The following PRORP variants were observed in gnomAD, a reference collection of about 807,000 sequenced individuals.
PRORP encodes mitochondrial ribonuclease P catalytic subunit.
Under a neutral mutation model 59.4 loss-of-function variants are expected in PRORP, and 51 were observed. The ratio of observed to expected loss-of-function variants is 0.86; its 90% CI spans 0.69 to 1.08. The LOEUF is 1.08. PRORP is among the 50% of genes least tolerant of loss of function. The pLI, the probability that PRORP is intolerant of heterozygous loss-of-function variation, is 0.00. For missense variants in PRORP, 646 were observed against 690.3 expected (o/e 0.94, Z 0.72); for synonymous variants, 231 against 245.6 (o/e 0.94, Z 0.55).
At chr14:35,201,221 G>A (rs1468636858) in intron 5 of PRORP, among the ~76,000 whole-genome samples, 2 of 152,184 alleles carry the variant, frequency 1.3e-5, no homozygotes, top group Non-Finnish European at 2.9e-5. Context: ...ACCTGGCTAA[G>A]GAAGTTTTGT....
chr14:35,233,989 C>T (rs996206718), intron 5 of PRORP, among the ~76,000 whole-genome samples: 1 of 152,194 alleles, frequency 6.6e-6, no homozygotes, highest in Non-Finnish European at 1.5e-5. Flanking sequence ...TGTTAAAGCT[C>T]AGGCTTTCCT....
intron 5 of PRORP, among the ~76,000 whole-genome samples, chr14:35,233,879 A>G (rs1271928268): frequency 6.6e-6 from 1 of 152,154 alleles, no homozygotes; most frequent in Non-Finnish European, 1.5e-5. Flanking sequence ...CAAAGTTACA[A>G]TTCATATATT....
In PRORP at chr14:35,272,991, GA is replaced by G. The variant is rs760706255; in HGVS notation, c.1621-437del. Among the ~76,000 whole-genome samples, 9 of 152,142 alleles carry G rather than the reference GA, an allele frequency of 5.9e-5. 1 individual carries two copies. Among genetic ancestry groups the G allele is most frequent in the Admixed American group, 3.3e-4 (5 of 15,278 alleles). ...ATCTTTTAGGGAATAATGCCAAGAA[GA>G]AAAAAAGTCTGTACATGTTCAGAAC... is the stretch of plus-strand genomic sequence containing the variant. On this transcript the variant is annotated intron_variant, in intron 7 of 7. Coordinates refer to ENST00000534898, the MANE Select transcript of PRORP (RefSeq NM_014672.4).
chr14:35,270,605 A>G lies in PRORP; in HGVS notation c.1620+9A>G. On this transcript the variant is annotated intron_variant, in intron 7 of 7. Transcript: ENST00000534898. ...CAAAACTAACCTTTCAGGTAATGGTACCTGTTCTTTATGTAATATTAACAG... is the reference window on the plus strand; with the variant it reads ...CAAAACTAACCTTTCAGGTAATGGTGCCTGTTCTTTATGTAATATTAACAG... 1 of 1,610,796 alleles carries G rather than the reference A, an allele frequency of 6.2e-7. No individual in the cohort carries two copies. The highest frequency in any genetic ancestry group is 8.5e-7 in the Non-Finnish European group (1 of 1,177,058).
chr14:35,259,993 G>GGT (rs1555333146), intron 5 of PRORP, among the ~76,000 whole-genome samples: 3 of 81,308 alleles, frequency 3.7e-5, no homozygotes, highest in Non-Finnish European at 6.8e-5. Flanking sequence ...GGTTTTTCGG[G>GGT]TTTTTTTTTT....
rs1469032325 is a variant in PRORP, at chr14:35,151,571, C to T, written c.1167+23960C>T. Among the ~76,000 whole-genome samples the T allele has an allele frequency of 2.0e-5, 3 of 151,808 alleles. No homozygotes were observed. In the East Asian group the frequency reaches 5.8e-4, roughly 29 times the overall value. The stretch of plus-strand genomic sequence containing the variant: ...TCATATCCCCATTCTAATCTGCCAG[C>T]ACTCCCTATTTTCCATCTCTGCTTT... On this transcript the variant is annotated intron_variant, in intron 4 of 7. Coordinates refer to ENST00000534898, the MANE Select transcript of PRORP (RefSeq NM_014672.4).
chr14:35,158,098 A>G, intron 4 of PRORP: 1 of 272,976 alleles, frequency 3.7e-6, no homozygotes. Flanking sequence ...TCAGTTTTTG[A>G]ACTTTTTTTT....
At chr14:35,269,125 G>T (rs1285223204) in intron 6 of PRORP, among the ~76,000 whole-genome samples, 1 of 152,124 alleles carries the variant, frequency 6.6e-6, no homozygotes, top group African/African-American at 2.4e-5. Flanking sequence ...CTCCCTGTCT[G>T]GGAAAGGTTT....
Position 35,124,072 on chromosome 14 carries a change from T to G in PRORP, c.827T>G (p.Val276Gly), listed in dbSNP as rs771050896. 6.2e-7 allele frequency: 1 copy of G among 1,613,992 alleles called. No individual in the cohort carries two copies. The highest frequency in any genetic ancestry group is 1.1e-5 in the South Asian group (1 of 91,062). ...CAGGAATTGCTAGGTCATGATATTG[T>G]TCCTATGTTGGAAACTTTAAAAGCT... The part of the protein sequence containing the change: ...LYQELLGHDI[V>G]PMLETLKAFF... Residue 276 changes from valine to glycine, a missense_variant, in exon 2 of 8, where the codon GTT (valine) becomes GGT (glycine). Physicochemically the swap from Val to Gly is moderately radical, Grantham distance 109. Coordinates refer to ENST00000534898, the MANE Select transcript of PRORP (RefSeq NM_014672.4).
chr14:35,214,224 A>G (rs1332271593), intron 5 of PRORP, among the ~76,000 whole-genome samples: 1 of 152,208 alleles, frequency 6.6e-6, no homozygotes, highest in African/African-American at 2.4e-5. Flanking sequence ...AGAATGAGAA[A>G]AGCTGAAATG....
chr14:35,133,168 C>G (rs543151237), intron 4 of PRORP, among the ~76,000 whole-genome samples: 20 of 152,278 alleles, frequency 1.3e-4, no homozygotes, highest in African/African-American at 4.6e-4. Flanking sequence ...GATCTGCCCA[C>G]TTGGCCTCCC....
At chr14:35,216,018 C>T (rs907564657) in intron 5 of PRORP, among the ~76,000 whole-genome samples, 2 of 151,000 alleles carry the variant, frequency 1.3e-5, no homozygotes, top group African/African-American at 2.4e-5. Flanking sequence ...CCACCTGCCT[C>T]GGCCTCCCAA....
chr14:35,127,217 C>G (rs2047119480), intron 3 of PRORP, among the ~76,000 whole-genome samples: 1 of 151,460 alleles, frequency 6.6e-6, no homozygotes, highest in East Asian at 1.9e-4. Flanking sequence ...ATGTTGAAAC[C>G]AAGTCTCCAC....
rs2048453092 is a variant in PRORP at position 35,176,466 on chromosome 14, A to G, written c.1168-4204A>G. Among the ~76,000 whole-genome samples the G allele has an allele frequency of 3.9e-5, 6 of 152,208 alleles. 1 individual carries two copies. In the South Asian group the frequency reaches 1.2e-3, roughly 32 times the overall value. On this transcript the variant is annotated intron_variant, in intron 4 of 7. Transcript: ENST00000534898. ...GGAAGAGGTCCTTCACATCCCTTGT[A>G]AGTTGGATTCCTAGGTATTTTATTC...
intron 5 of PRORP, among the ~76,000 whole-genome samples, chr14:35,218,474 A>AAC (rs2049671035): frequency 6.8e-6 from 1 of 146,090 alleles, no homozygotes; most frequent in Admixed American, 6.8e-5. Context: ...AAAGAAAAAA[A>AAC]AAAAAAAAAA....
chr14:35,122,016 A>C, upstream of PRORP: 1 of 1,594,926 alleles, frequency 6.3e-7, no homozygotes, highest in Non-Finnish European at 8.6e-7. Flanking sequence ...CTCCACCCCT[A>C]CCAGCTCAGG....
rs867031059 is a variant in PRORP at position 35,218,426 on chromosome 14, A to G, written c.1275+37649A>G. 8.5e-4 allele frequency among the ~76,000 whole-genome samples: 117 copies of G among 137,708 alleles called. 1 individual carries two copies. The highest frequency in any genetic ancestry group is 2.8e-3 in the African/African-American group (107 of 37,780). 90.3% of individuals were successfully genotyped at this position (137,708 alleles called of 152,430 possible). ...CAGTAAGCTGTTCTTGTGCCACTGC[A>G]TAGTAGCCTGGGCAACAGAGCAAGA... On this transcript the variant is annotated intron_variant, in intron 5 of 7. Coordinates refer to ENST00000534898, the MANE Select transcript of PRORP (RefSeq NM_014672.4).
chr14:35,211,378 A>T lies in PRORP; in HGVS notation c.1275+30601A>T, dbSNP rs75356174. ...CTTGGCCTCTTTTATTTACTGCTAT[A>T]TTCCCAGCACCTAAGACCATGCCTT... is the stretch of plus-strand genomic sequence containing the variant. On this transcript the variant is annotated intron_variant, in intron 5 of 7. Coordinates refer to ENST00000534898, the MANE Select transcript of PRORP (RefSeq NM_014672.4). Among the ~76,000 whole-genome samples, 1,397 of 152,266 alleles carry T rather than the reference A, an allele frequency of 9.2e-3. 24 individuals are homozygous for T. Among genetic ancestry groups the T allele is most frequent in the South Asian group, 0.06 (288 of 4,818 alleles).
At chr14:35,174,391 C>G (rs2048392638) in intron 4 of PRORP, among the ~76,000 whole-genome samples, 1 of 152,068 alleles carries the variant, frequency 6.6e-6, no homozygotes, top group African/African-American at 2.4e-5. Flanking sequence ...CCATAGCATT[C>G]TCACATTTAA....
Sources: gnomAD v4.1 joint callset for allele counts (sites outside exome capture counted in the v4.1 genomes callset) on GRCh38, gnomAD v4.1.1 for gene constraint, MANE v1.5 for transcripts, NCBI Gene and HGNC (gene_info 2026-07-23, HGNC 2026-07-21) for gene names.